The following CNOT6 variants were observed in gnomAD, a reference collection of about 807,000 sequenced individuals.
CNOT6 encodes the protein carbon catabolite repression 4 protein.
A neutral mutation model predicts 61.2 loss-of-function variants in CNOT6; 12 were observed. That is an observed-to-expected ratio of 0.20 (90% CI 0.13 to 0.32). The LOEUF (loss-of-function observed/expected upper bound fraction) is 0.32, where lower values mean the gene tolerates loss of function less well. CNOT6 is among the 10% of genes least tolerant of loss of function. The pLI is 1.00. For missense variants in CNOT6, 405 were observed against 663.9 expected, an observed-to-expected ratio of 0.61 and a Z score of 4.28; for synonymous variants, 225 against 240.6, an observed-to-expected ratio of 0.94 and a Z score of 0.60.
intron 2 of CNOT6, among the ~76,000 whole-genome samples, chr5:180,543,354 C>T (rs962786420): frequency 1.4e-4 from 21 of 152,136 alleles, no homozygotes; most frequent in Admixed American, 7.2e-4. Context: ...CCAGTGCACC[C>T]GGCCTGCACT....
At chr5:180,559,444 C>T (rs1561660660) in intron 4 of CNOT6, among the ~76,000 whole-genome samples, 2 of 152,150 alleles carry the variant, frequency 1.3e-5, no homozygotes, top group Non-Finnish European at 1.5e-5. Context: ...CTTTGATCAA[C>T]TTTTGCATTA....
chr5:180,523,663 A>G (rs1757969052), intron 1 of CNOT6, among the ~76,000 whole-genome samples: 1 of 151,448 alleles, frequency 6.6e-6, no homozygotes, highest in Non-Finnish European at 1.5e-5. Context: ...ATTTCTTTTC[A>G]CTTTACTTCA....
intron 3 of CNOT6, among the ~76,000 whole-genome samples, chr5:180,552,096 T>C (rs914092825): frequency 6.6e-6 from 1 of 151,808 alleles, no homozygotes; most frequent in African/African-American, 2.4e-5. Flanking sequence ...CTCAAACTCC[T>C]GACCTCAAAT....
intron 2 of CNOT6, 110 bp from the exon 3 acceptor site, chr5:180,549,821 T>C: frequency 1.3e-6 from 1 of 787,650 alleles, no homozygotes; most frequent in East Asian, 2.5e-5. Flanking sequence ...TCACAAGTTT[T>C]TGGATAATAA....
Position 180,505,251 on chromosome 5 carries a change from A to ATTT in CNOT6, c.-3+10508_-3+10510dup, listed in dbSNP as rs70973919. ...CTGGGATTACAGGCGGTAATAGTTA[A>ATTT]TTTTTTTTTTTTTTTTTTTTTTGAG... On this transcript the variant is annotated intron_variant, in intron 1 of 11. Transcript: ENST00000261951. 3.5e-3 allele frequency among the ~76,000 whole-genome samples: 211 copies of ATTT among 60,424 alleles called. 17 individuals are homozygous for ATTT. The highest frequency in any genetic ancestry group is 5.5e-3 in the African/African-American group (71 of 12,942). 39.6% of individuals were successfully genotyped at this position (60,424 alleles called of 152,430 possible). A position where few individuals can be genotyped will look rare whatever the true frequency, so the allele number is the denominator to read the frequency against.
At chr5:180,526,939 A>G (rs893553203) in intron 1 of CNOT6, among the ~76,000 whole-genome samples, 1 of 149,348 alleles carries the variant, frequency 6.7e-6, no homozygotes, top group South Asian at 2.1e-4. Context: ...GAGTGCAGGG[A>G]CACAGTCACA....
chr5:180,544,986 A>G (rs1308718868), intron 2 of CNOT6, among the ~76,000 whole-genome samples: 1 of 152,246 alleles, frequency 6.6e-6, no homozygotes. Flanking sequence ...ATTGTTTTAT[A>G]TTAAATGCCT....
chr5:180,499,387 A>C (rs1756764043), intron 1 of CNOT6, among the ~76,000 whole-genome samples: 1 of 152,238 alleles, frequency 6.6e-6, no homozygotes, highest in Non-Finnish European at 1.5e-5. Context: ...AAAAGTTACC[A>C]GTATCCTGAT....
chr5:180,555,097 C>G (rs1317845234), intron 4 of CNOT6, among the ~76,000 whole-genome samples: 2 of 151,666 alleles, frequency 1.3e-5, no homozygotes, highest in Admixed American at 6.6e-5. Context: ...GCCTCCTTCT[C>G]CCTGGTTGAA....
At chr5:180,559,192 A>G (rs572931586) in intron 4 of CNOT6, among the ~76,000 whole-genome samples, 15 of 152,300 alleles carry the variant, frequency 9.8e-5, no homozygotes, top group African/African-American at 3.6e-4. Context: ...GTGTTCTGTC[A>G]GTTGTGGAGA....
At chr5:180,511,274 T>G (rs1757378632) in intron 1 of CNOT6, among the ~76,000 whole-genome samples, 1 of 151,922 alleles carries the variant, frequency 6.6e-6, no homozygotes, top group South Asian at 2.1e-4. Context: ...ATCCAGGAGT[T>G]GGAGACCAGC....
intron 2 of CNOT6, among the ~76,000 whole-genome samples, chr5:180,545,593 T>A (rs1281528318): frequency 3.3e-5 from 5 of 152,252 alleles, no homozygotes; most frequent in Non-Finnish European, 7.3e-5. Context: ...ATTGTATGGC[T>A]ACGCCAGCAT....
At chr5:180,506,612 A>G (rs1757140286) in intron 1 of CNOT6, among the ~76,000 whole-genome samples, 1 of 152,144 alleles carries the variant, frequency 6.6e-6, no homozygotes, top group African/African-American at 2.4e-5. Flanking sequence ...GCGTGTCACT[A>G]AGATAGATTT....
chr5:180,513,301 C>T (rs963073975), intron 1 of CNOT6, among the ~76,000 whole-genome samples: 5 of 152,072 alleles, frequency 3.3e-5, no homozygotes, highest in African/African-American at 9.7e-5. Context: ...GCGATTTTCC[C>T]TCTTCAGCCT....
intron 2 of CNOT6, among the ~76,000 whole-genome samples, chr5:180,535,508 G>C (rs754854075): frequency 6.6e-6 from 1 of 152,180 alleles, no homozygotes; most frequent in Admixed American, 6.5e-5. Context: ...TTATAACTCA[G>C]TAGTATTTCT....
At chr5:180,518,933 G>A (rs11742141) in intron 1 of CNOT6, among the ~76,000 whole-genome samples, 25,805 of 152,180 alleles carry the variant, frequency 0.17, 2,298 homozygotes, top group Non-Finnish European at 0.19. Flanking sequence ...GGCTGGTTTC[G>A]AACTCCTGGG....
At chr5:180,514,122 A>G (rs1029417136) in intron 1 of CNOT6, among the ~76,000 whole-genome samples, 2 of 151,078 alleles carry the variant, frequency 1.3e-5, no homozygotes, top group East Asian at 4.0e-4. Context: ...GCCACACCAT[A>G]TGGCTGAAAC....
intron 2 of CNOT6, among the ~76,000 whole-genome samples, chr5:180,538,456 G>T (rs1758829992): frequency 6.6e-6 from 1 of 151,264 alleles, no homozygotes; most frequent in Non-Finnish European, 1.5e-5. Context: ...GAGACTAAGG[G>T]AGGCCGATTA....
In CNOT6 at chr5:180,502,258, C is replaced by T. The variant is rs182299280; in HGVS notation, c.-3+7495C>T. Among the ~76,000 whole-genome samples the T allele has an allele frequency of 3.6e-4, 54 of 152,088 alleles. No homozygotes were observed. The East Asian group carries it at 5.2e-3, about 15-fold the overall frequency. ...TGGTGATACAAAATTGTTTTGCCTGCGGAATTTTATGTGATTTCAAAAACA... is the reference window on the plus strand; with the variant it reads ...TGGTGATACAAAATTGTTTTGCCTGTGGAATTTTATGTGATTTCAAAAACA... On this transcript the variant is annotated intron_variant, in intron 1 of 11. Transcript: ENST00000261951.
Sources: allele counts gnomAD v4.1 joint callset (sites outside exome capture counted in the v4.1 genomes callset), GRCh38; gene constraint gnomAD v4.1.1; transcripts MANE v1.5; gene names NCBI Gene and HGNC (gene_info 2026-07-23, HGNC 2026-07-21).